GRAMD1B: variants seen among roughly 807,000 people sequenced by gnomAD.
GRAMD1B encodes the protein protein Aster-B.
GRAMD1B carries 37 observed loss-of-function variants against 99.7 expected under a neutral mutation model. The ratio of observed to expected loss-of-function variants is 0.37; its 90% confidence interval spans 0.29 to 0.49. GRAMD1B has a LOEUF of 0.49. Ranked by LOEUF, GRAMD1B falls within the 20% of genes least tolerant of loss-of-function variation. GRAMD1B has a pLI of 0.98. For synonymous variants in GRAMD1B, 427 were observed against 387.6 expected (o/e 1.10, Z -1.19); for missense variants, 888 against 1,009.2 (o/e 0.88, Z 1.63).
chr11:123,612,707 C>A (rs900492705), intron 14 of GRAMD1B, 54 bp from the exon 15 acceptor site: 1 of 975,264 alleles, frequency 1.0e-6, no homozygotes, highest in Non-Finnish European at 1.6e-6. Flanking sequence ...CTTTTCCCAG[C>A]AGAGGCAGGC....
rs1148092 is a variant in GRAMD1B at position 123,601,879 on chromosome 11, G to A, written c.1050+1331G>A. Among the ~76,000 whole-genome samples the A allele has an allele frequency of 3.4e-3, 512 of 152,338 alleles. 1 individual carries two copies. Among genetic ancestry groups the A allele is most frequent in the Non-Finnish European group, 5.1e-3 (346 of 68,032 alleles). Reference sequence around the variant, plus strand: ...AATAATTGTAAGAATTGGGCCTGCCGAGGAGAGTCTGCTAACTGTGCTTGT... The same window carrying A: ...AATAATTGTAAGAATTGGGCCTGCCAAGGAGAGTCTGCTAACTGTGCTTGT... On this transcript the variant is annotated intron_variant, in intron 8 of 19. Transcript: ENST00000635736.
At chr11:123,418,892 A>G (rs902924165) in intron 1 of GRAMD1B, among the ~76,000 whole-genome samples, 4 of 152,176 alleles carry the variant, frequency 2.6e-5, no homozygotes, top group Admixed American at 2.6e-4. Flanking sequence ...GTAAGTGCTC[A>G]GTCTGGAGCA....
At chr11:123,472,188 A>C (rs1277073213) in intron 1 of GRAMD1B, among the ~76,000 whole-genome samples, 1 of 151,642 alleles carries the variant, frequency 6.6e-6, no homozygotes, top group Non-Finnish European at 1.5e-5. Flanking sequence ...AGATCATGCC[A>C]CTGCACTCCA....
upstream of GRAMD1B, among the ~76,000 whole-genome samples, chr11:123,425,467 C>T (rs1948615404): frequency 1.3e-5 from 2 of 152,118 alleles, no homozygotes; most frequent in Non-Finnish European, 1.5e-5. Context: ...CAAGGGCAGC[C>T]AAATATTGTG....
At chr11:123,418,685 G>A (rs139627113) in intron 1 of GRAMD1B, among the ~76,000 whole-genome samples, 2 of 152,270 alleles carry the variant, frequency 1.3e-5, no homozygotes, top group African/African-American at 4.8e-5. Context: ...TAGGAAAATG[G>A]CAGGGCTGAA....
intron 2 of GRAMD1B, among the ~76,000 whole-genome samples, chr11:123,483,391 CTTTT>C (rs67407274): frequency 6.0e-5 from 8 of 134,162 alleles, no homozygotes; most frequent in Middle Eastern, 4.1e-3. Context: ...TTTTCTTTTT[CTTTT>C]TTTTTTTTTT....
intron 3 of GRAMD1B, among the ~76,000 whole-genome samples, chr11:123,581,552 C>T (rs933608027): frequency 2.0e-5 from 3 of 152,206 alleles, no homozygotes; most frequent in Non-Finnish European, 4.4e-5. Flanking sequence ...AGTGGACAGG[C>T]TCGGGGGCTG....
chr11:123,417,244 G>A lies in GRAMD1B; in HGVS notation c.-176+58445G>A, dbSNP rs532416013. 3.3e-5 allele frequency among the ~76,000 whole-genome samples: 5 copies of A among 152,298 alleles called. No individual in the cohort carries two copies. In the East Asian group the frequency reaches 9.7e-4, roughly 29 times the overall value. ...AAAAATTAGCTGGACGTGGTGGTGTGTGCCTGTAATCCCAGCTACTCAGGG... is the reference window on the plus strand; with the variant it reads ...AAAAATTAGCTGGACGTGGTGGTGTATGCCTGTAATCCCAGCTACTCAGGG... On this transcript the variant is annotated intron_variant, in intron 1 of 20. Coordinates refer to the GRAMD1B transcript ENST00000638157.
rs2135380343 is a variant in GRAMD1B at position 123,516,437 on chromosome 11, C to G, written c.452+35544C>G. ...TTTAAAGTCGAACTCATTAGATGCT[C>G]CATCCAAGTAAACCTGTATTTATTG... On this transcript the variant is annotated intron_variant, in intron 2 of 19. Coordinates refer to ENST00000635736, the MANE Select transcript of GRAMD1B (RefSeq NM_001387025.1). Among the ~76,000 whole-genome samples, 3 of 152,316 alleles carry G rather than the reference C, an allele frequency of 2.0e-5. No individual in the cohort carries two copies. The South Asian group carries it at 6.2e-4, about 32-fold the overall frequency.
chr11:123,594,632 G>A, intron 5 of GRAMD1B, 103 bp from the exon 6 acceptor site: 1 of 699,614 alleles, frequency 1.4e-6, no homozygotes, highest in Non-Finnish European at 2.6e-6. Flanking sequence ...GGTGGGCATT[G>A]GGCTCCCCCA....
At chr11:123,562,218 AACACCTCCC>A (rs1390717060) in intron 2 of GRAMD1B, among the ~76,000 whole-genome samples, 1 of 152,072 alleles carries the variant, frequency 6.6e-6, no homozygotes, top group Non-Finnish European at 1.5e-5. Context: ...CCTAAGACTA[AACACCTCCC>A]ACACCCCCTC....
chr11:123,427,542 C>A (rs1948698826), upstream of GRAMD1B, among the ~76,000 whole-genome samples: 1 of 152,196 alleles, frequency 6.6e-6, no homozygotes, highest in Admixed American at 6.5e-5. Context: ...AATGTTGGCT[C>A]ACAGCTGTAG....
At chr11:123,437,680 G>A (rs745630827) in intron 1 of GRAMD1B, among the ~76,000 whole-genome samples, 27 of 152,292 alleles carry the variant, frequency 1.8e-4, no homozygotes, top group Middle Eastern at 3.4e-3. Flanking sequence ...TGGTAGTGCC[G>A]CTCACTAATT....
chr11:123,548,321 T>TACACACACACACACACACAC (rs1484787385), intron 2 of GRAMD1B, among the ~76,000 whole-genome samples: 1 of 107,216 alleles, frequency 9.3e-6, no homozygotes, highest in Non-Finnish European at 1.8e-5. Flanking sequence ...TATATATATA[T>TACACACACACACACACACAC]ATATACACAC....
chr11:123,527,433 TG>T (rs1162015413), intron 2 of GRAMD1B, among the ~76,000 whole-genome samples: 1 of 152,214 alleles, frequency 6.6e-6, no homozygotes, highest in Admixed American at 6.5e-5. Context: ...TTTCTGCAAG[TG>T]TAACTCTCAA....
At chr11:123,362,853 G>A (rs1946190984) in intron 1 of GRAMD1B, among the ~76,000 whole-genome samples, 1 of 152,126 alleles carries the variant, frequency 6.6e-6, no homozygotes, top group Non-Finnish European at 1.5e-5. Flanking sequence ...GGCTGCCCCG[G>A]AAGGCAAGGG....
intron 9 of GRAMD1B, 59 bp downstream of exon 9, chr11:123,603,600 C>A: frequency 1.1e-6 from 1 of 949,154 alleles, no homozygotes; most frequent in East Asian, 2.4e-5. Context: ...GCAGGAAGAA[C>A]CTGCCAGGCA....
At chr11:123,562,304 T>G (rs933520419) in intron 2 of GRAMD1B, among the ~76,000 whole-genome samples, 3 of 152,180 alleles carry the variant, frequency 2.0e-5, no homozygotes, top group Non-Finnish European at 4.4e-5. Flanking sequence ...CAGCCCTTTC[T>G]CCCAATGGTT....
chr11:123,438,832 G>A (rs1591535307), intron 1 of GRAMD1B, among the ~76,000 whole-genome samples: 3 of 152,178 alleles, frequency 2.0e-5, no homozygotes, highest in Admixed American at 2.0e-4. Flanking sequence ...CTAGGGTAAC[G>A]CAGAAGTTAA....
Sources: allele counts gnomAD v4.1 joint callset (sites outside exome capture counted in the v4.1 genomes callset), GRCh38; gene constraint gnomAD v4.1.1; transcripts MANE v1.5; gene names NCBI Gene and HGNC (gene_info 2026-07-23, HGNC 2026-07-21).